UPF2: variants seen among roughly 807,000 people sequenced by gnomAD.
UPF2 encodes the protein regulator of nonsense transcripts 2.
UPF2 carries 17 observed loss-of-function variants against 141.4 expected under a neutral mutation model. The ratio of observed to expected loss-of-function variants is 0.12; its 90% CI spans 0.08 to 0.18. The LOEUF is 0.18. UPF2 is among the 10% of genes least tolerant of loss of function. The pLI, the probability that UPF2 is intolerant of heterozygous loss-of-function variation, is 1.00. For missense variants in UPF2, 1,152 were observed against 1,515.9 expected (o/e 0.76, Z 3.99); for synonymous variants, 540 against 498.0 (o/e 1.08, Z -1.12).
chr10:11,987,893 C>T (rs2131244128), intron 8 of UPF2, among the ~76,000 whole-genome samples: 1 of 151,146 alleles, frequency 6.6e-6, no homozygotes, highest in East Asian at 1.9e-4. Context: ...CAGATCAAAC[C>T]TTTAAGAACT....
At chr10:12,031,634 G>C (rs761894681) in intron 2 of UPF2, among the ~76,000 whole-genome samples, 3 of 152,084 alleles carry the variant, frequency 2.0e-5, no homozygotes, top group Non-Finnish European at 4.4e-5. Flanking sequence ...AAATTAGCTG[G>C]ACATGGTGGC....
intron 10 of UPF2, among the ~76,000 whole-genome samples, chr10:11,966,716 G>A (rs1290088418): frequency 1.3e-5 from 2 of 152,176 alleles, no homozygotes; most frequent in East Asian, 1.9e-4. Context: ...GAGCCACCAC[G>A]CCCAGCCCTT....
intron 9 of UPF2, among the ~76,000 whole-genome samples, chr10:11,978,688 A>C (rs1216258065): frequency 6.6e-6 from 1 of 152,200 alleles, no homozygotes; most frequent in Non-Finnish European, 1.5e-5. Flanking sequence ...GCACCTAAAG[A>C]AGCATATCCT....
intron 10 of UPF2, among the ~76,000 whole-genome samples, chr10:11,964,660 C>A (rs190009918): frequency 1.3e-5 from 2 of 152,222 alleles, no homozygotes; most frequent in Non-Finnish European, 2.9e-5. Context: ...TTTTTTGTGT[C>A]CTTTTTTGTC....
intron 7 of UPF2, 147 bp downstream of exon 7, chr10:11,999,759 T>G: frequency 1.5e-6 from 1 of 662,852 alleles, no homozygotes; most frequent in Non-Finnish European, 2.6e-6. Context: ...CAATTTTGTC[T>G]GCTTATGCTG....
intron 21 of UPF2, among the ~76,000 whole-genome samples, chr10:11,928,209 C>T (rs1208417568): frequency 6.6e-6 from 1 of 152,034 alleles, no homozygotes; most frequent in Non-Finnish European, 1.5e-5. Flanking sequence ...GCTGGGTGGG[C>T]ACCTGTAATA....
intron 6 of UPF2, among the ~76,000 whole-genome samples, chr10:12,000,395 G>A (rs55983025): frequency 0.029 from 4,421 of 152,224 alleles, 197 homozygotes; most frequent in African/African-American, 0.097. Context: ...ATTCTAAGGA[G>A]GGTGGCTGGT....
In UPF2 at chr10:11,936,739, A is replaced by G. The variant is rs769406846; in HGVS notation, c.3379-27T>C. 2.9e-5 allele frequency: 46 copies of G among 1,589,468 alleles called. No individual in the cohort carries two copies. The highest frequency in any genetic ancestry group is 2.0e-4 in the Admixed American group (11 of 56,400). On this transcript the variant is annotated intron_variant, in intron 18 of 21. Transcript: ENST00000357604. This position sits in a 1 kb window ranked among gnomAD's most constrained non-coding sequence, Gnocchi z 6.6. ...TAAAAGAAATTAAAAAGGACATAATAAACACTCCAAGATATATACGGATAT... is the reference window on the plus strand; with the variant it reads ...TAAAAGAAATTAAAAAGGACATAATGAACACTCCAAGATATATACGGATAT...
chr10:11,934,477 A>G (rs1227640732), intron 19 of UPF2, among the ~76,000 whole-genome samples: 1 of 152,234 alleles, frequency 6.6e-6, no homozygotes, highest in African/African-American at 2.4e-5. Context: ...AGGCCGGACG[A>G]TGGCAGTGTC....
At chr10:11,990,852 G>A (rs1833767496) in intron 8 of UPF2, among the ~76,000 whole-genome samples, 1 of 151,672 alleles carries the variant, frequency 6.6e-6, no homozygotes, top group African/African-American at 2.4e-5. Context: ...GCTGGGCGTG[G>A]TGGCGGGCAC....
intron 4 of UPF2, among the ~76,000 whole-genome samples, chr10:12,009,066 C>T (rs1834086232): frequency 6.6e-6 from 1 of 152,070 alleles, no homozygotes; most frequent in East Asian, 1.9e-4. Context: ...GTATATGTAC[C>T]ACATTTTCTC....
Position 12,016,812 on chromosome 10 carries a change from G to A in UPF2, c.1146-2628C>T, listed in dbSNP as rs1588571638. Reference sequence around the variant, plus strand: ...CCGAGGCAGGCGGATCACCTGAGGTGAGGAGTTCAAGATCAGCCTGGCCCA... The same window carrying A: ...CCGAGGCAGGCGGATCACCTGAGGTAAGGAGTTCAAGATCAGCCTGGCCCA... On this transcript the variant is annotated intron_variant, in intron 3 of 21. Coordinates refer to ENST00000357604, the MANE Select transcript of UPF2 (RefSeq NM_015542.4). This position sits in a 1 kb window ranked among gnomAD's most constrained non-coding sequence, Gnocchi z 4.1. Among the ~76,000 whole-genome samples the A allele has an allele frequency of 6.6e-6, 1 of 151,852 alleles. No homozygotes were observed. The highest frequency in any genetic ancestry group is 6.6e-5 in the Admixed American group (1 of 15,210).
In UPF2 at chr10:11,931,921, C is replaced by A. The variant is rs1302959893; in HGVS notation, c.3547-139G>T. 1 of 850,780 alleles carries A rather than the reference C, an allele frequency of 1.2e-6. No homozygotes were observed. The highest frequency in any genetic ancestry group is 1.7e-6 in the Non-Finnish European group (1 of 585,540). 52.7% of individuals were successfully genotyped at this position (850,780 alleles called of 1,614,324 possible). A position where few individuals can be genotyped will look rare whatever the true frequency, so the allele number is the denominator to read the frequency against. On this transcript the variant is annotated intron_variant, in intron 19 of 21. Coordinates refer to ENST00000357604, the MANE Select transcript of UPF2 (RefSeq NM_015542.4). The surrounding 1 kb of genome is among the most constrained non-coding windows in gnomAD (Gnocchi z 5.9). ...ATCCCAGCACTTTGGGAGGCCGAGG[C>A]GGGCGGATCACGAGGTCAAGAGATC...
intron 11 of UPF2, among the ~76,000 whole-genome samples, chr10:11,961,648 G>T (rs2895495): frequency 1.3e-5 from 2 of 152,180 alleles, no homozygotes; most frequent in Admixed American, 6.5e-5. Flanking sequence ...ATTTCAAGTT[G>T]TGTGTGTATG....
chr10:11,929,284 C>T (rs1588522839), intron 21 of UPF2, among the ~76,000 whole-genome samples: 1 of 152,336 alleles, frequency 6.6e-6, no homozygotes, highest in Admixed American at 6.5e-5. Flanking sequence ...CCTATGATGT[C>T]TCTCTCTTGC....
intron 18 of UPF2, among the ~76,000 whole-genome samples, chr10:11,941,098 A>C (rs1832930829): frequency 6.6e-6 from 1 of 152,184 alleles, no homozygotes. Context: ...TTTAGTTGTT[A>C]AATATCTACC....
At position 11,948,389 on chromosome 10, in the gene UPF2, C is replaced by T; in HGVS notation, c.3154G>A (p.Val1052Ile). ...ATCACCTCTTCTTCTGGCTCATTTA[C>T]TTCACTTTCATTTCCAGATTGTTCT... The part of the protein sequence containing the change: ...TEEQSGNESE[V>I]NEPEEEEGSD... The change falls in exon 16 of 22, where the codon GTA becomes ATA. Residue 1052 changes from valine (V) to isoleucine (I), a missense_variant. Physicochemically the swap from Val to Ile is conservative, Grantham distance 29 (BLOSUM62 3). Around this residue, in one of 4 missense-constraint regions of UPF2, gnomAD observed 202 missense variants for 223.6 expected, o/e 0.90. Coordinates refer to ENST00000357604, the MANE Select transcript of UPF2 (RefSeq NM_015542.4). 1.3e-6 allele frequency: 2 copies of T among 1,596,132 alleles called. No homozygotes were observed. The highest frequency in any genetic ancestry group is 1.7e-6 in the Non-Finnish European group (2 of 1,169,698).
rs1832641836 is a variant in UPF2 at position 11,921,357 on chromosome 10, A to C, written c.3810-50T>G. 6.2e-7 allele frequency: 1 copy of C among 1,613,190 alleles called. No homozygotes were observed. Among genetic ancestry groups the C allele is most frequent in the Non-Finnish European group, 8.5e-7 (1 of 1,179,502 alleles). ...CAGAGAGCTTACTGCCACAGGACAA[A>C]GTCCAGCAAGATGGCGTCTGCAACG... On this transcript the variant is annotated intron_variant, in intron 21 of 21. Coordinates refer to ENST00000357604, the MANE Select transcript of UPF2 (RefSeq NM_015542.4). The surrounding 1 kb of genome is among the most constrained non-coding windows in gnomAD (Gnocchi z 5.9).
At chr10:11,986,113 T>C (rs1367418144) in intron 8 of UPF2, among the ~76,000 whole-genome samples, 1 of 151,730 alleles carries the variant, frequency 6.6e-6, no homozygotes, top group Non-Finnish European at 1.5e-5. Flanking sequence ...CTCGATCTCC[T>C]GACCTTGTGA....
Sources: allele counts gnomAD v4.1 joint callset (sites outside exome capture counted in the v4.1 genomes callset), GRCh38; gene constraint gnomAD v4.1.1; regional missense constraint gnomAD v4.1.1; non-coding constraint Gnocchi (gnomAD v3.1); transcripts MANE v1.5; gene names NCBI Gene and HGNC (gene_info 2026-07-23, HGNC 2026-07-21).